FBN3: variants seen among roughly 807,000 people sequenced by gnomAD.
The protein encoded by FBN3 is fibrillin 3.
FBN3 carries 234 observed loss-of-function variants against 330.1 expected under a neutral mutation model. The ratio of observed to expected loss-of-function variants is 0.71; its 90% CI spans 0.64 to 0.79. FBN3 has a LOEUF of 0.79. Among genes scored for constraint, FBN3 ranks in the 30% least tolerant of loss-of-function variants. FBN3 has a pLI of 0.00. For missense variants in FBN3, 3,606 were observed against 3,886.9 expected (o/e 0.93, Z 1.92); for synonymous variants, 1,458 against 1,517.3 (o/e 0.96, Z 0.91).
chr19:8,092,827 T>C (rs956121941), intron 47 of FBN3, among the ~76,000 whole-genome samples: 18 of 152,062 alleles, frequency 1.2e-4, no homozygotes, highest in African/African-American at 3.4e-4. Flanking sequence ...AAATATCGTA[T>C]GTTCTCACTT....
Position 8,149,202 on chromosome 19 carries a change from C to A in FBN3, c.-18+247G>T, listed in dbSNP as rs1429122245. Among the ~76,000 whole-genome samples, 2 of 151,884 alleles carry A rather than the reference C, an allele frequency of 1.3e-5. No individual in the cohort carries two copies. The highest frequency in any genetic ancestry group is 4.8e-5 in the African/African-American group (2 of 41,398). ...CCGGCCGCGACCACGCTTGGCTCCG[C>A]CCTCACCTGTGGGGTCAGGGGCCCC... On this transcript the variant is annotated intron_variant, in intron 1 of 63. Transcript: ENST00000600128. This position sits in a 1 kb window ranked among gnomAD's most constrained non-coding sequence, Gnocchi z 5.5.
intron 41 of FBN3, among the ~76,000 whole-genome samples, chr19:8,099,429 C>T (rs948465360): frequency 4.6e-5 from 7 of 151,308 alleles, no homozygotes; most frequent in Admixed American, 2.0e-4. Context: ...TACAGGCGCC[C>T]GCCACCACGC....
chr19:8,092,919 G>A (rs1421398684), intron 47 of FBN3, among the ~76,000 whole-genome samples: 1 of 151,960 alleles, frequency 6.6e-6, no homozygotes, highest in Non-Finnish European at 1.5e-5. Flanking sequence ...AAGGATGGGA[G>A]GGGGGTGAGG....
At chr19:8,137,033 G>A (rs1476044898) in intron 10 of FBN3, among the ~76,000 whole-genome samples, 1 of 150,662 alleles carries the variant, frequency 6.6e-6, no homozygotes, top group East Asian at 2.0e-4. Flanking sequence ...CTCCAAACTG[G>A]CACCTCGATC....
intron 13 of FBN3, among the ~76,000 whole-genome samples, chr19:8,134,060 A>G (rs982581802): frequency 7.4e-5 from 6 of 81,558 alleles, no homozygotes; most frequent in Non-Finnish European, 1.2e-4. Flanking sequence ...CCCCATCTCT[A>G]CTAAAAATAC....
In FBN3 at chr19:8,075,368, G is replaced by A. The variant is rs749575255; in HGVS notation, c.7497C>T (p.His2499=). Residue 2499 remains histidine, a synonymous_variant, in exon 60 of 64, where the codon CAC becomes CAT. Transcript: ENST00000600128. The stretch of plus-strand genomic sequence containing the variant: ...TGCCCGGGGTGTTGTGGCAGTGCCC[G>A]TGGGCACCACATGGGCCAGGCTGGG... ...CSAQPGPCGA[H]GHCHNTPGSF... is the part of the protein sequence containing the mutation. The A allele has an allele frequency of 1.8e-5, 29 of 1,613,934 alleles. No homozygotes were observed. The highest frequency in any genetic ancestry group is 1.6e-4 in the Middle Eastern group (1 of 6,084).
chr19:8,137,007 CCTGAAGCCTAGATCCCT>C, intron 10 of FBN3, among the ~76,000 whole-genome samples: 1 of 149,600 alleles, frequency 6.7e-6, no homozygotes, highest in East Asian at 2.0e-4. Context: ...ATCCCTCCAA[CCTGAAGCCTAGATCCCT>C]CCAAACTGGC....
At chr19:8,119,974 C>A (rs2082803350) in intron 25 of FBN3, among the ~76,000 whole-genome samples, 1 of 151,388 alleles carries the variant, frequency 6.6e-6, no homozygotes, top group Admixed American at 6.6e-5. Flanking sequence ...GCAGGCACCA[C>A]CATGCCCGGC....
rs367986029 is a variant in FBN3, at chr19:8,086,207, C to A, written c.6873G>T (p.Glu2291Asp). Residue 2291 changes from glutamate (E) to aspartate (D), a missense_variant, in exon 55 of 64, where the codon GAG becomes GAT. Glu to Asp is a conservative substitution (Grantham distance 45). Transcript: ENST00000600128. Reference sequence around the variant, plus strand: ...GTGTCCAGCCACACTCACCGTGGCACTCGGTAAGGGTGGGGCTGGGCTGGA... The same window carrying A: ...GTGTCCAGCCACACTCACCGTGGCAATCGGTAAGGGTGGGGCTGGGCTGGA... ...EGFQPSPTLT[E>D]CHDIRQGPCF... 8.8e-6 allele frequency: 14 copies of A among 1,593,752 alleles called. No homozygotes were observed. In the African/African-American group the frequency reaches 1.6e-4, roughly 18 times the overall value.
rs1363541735 is a variant in FBN3, at chr19:8,071,009, T to C, written c.8088+1039A>G. Reference sequence around the variant, plus strand: ...TGCATTCCAGCCTGGGCAACAAGAGTGAGACTCTGTCTCAAAAAAAAAAAA... The same window carrying C: ...TGCATTCCAGCCTGGGCAACAAGAGCGAGACTCTGTCTCAAAAAAAAAAAA... On this transcript the variant is annotated intron_variant, in intron 63 of 63. Coordinates refer to ENST00000600128, the MANE Select transcript of FBN3 (RefSeq NM_032447.5). Among the ~76,000 whole-genome samples the C allele has an allele frequency of 3.7e-5, 5 of 133,600 alleles. No homozygotes were observed. In the East Asian group the frequency reaches 1.1e-3, roughly 29 times the overall value. 87.6% of individuals were successfully genotyped at this position (133,600 alleles called of 152,430 possible).
rs759987305 is a variant in FBN3 at position 8,123,913 on chromosome 19, T to A, written c.2827A>T (p.Ile943Phe). 2 of 1,613,912 alleles carry A rather than the reference T, an allele frequency of 1.2e-6. No homozygotes were observed. The highest frequency in any genetic ancestry group is 1.7e-6 in the Non-Finnish European group (2 of 1,180,016). Residue 943 changes from isoleucine (I) to phenylalanine (F), a missense_variant, in exon 23 of 64, where the codon ATC becomes TTC. Ile to Phe is a conservative substitution (Grantham distance 21). Coordinates refer to ENST00000600128, the MANE Select transcript of FBN3 (RefSeq NM_032447.5). ...CACTCGACTCCCCACACGGCCCCGA[T>A]GGAGCAGCAGCAGACGTCCATCCGG... ...KYRMDVCCCSIGAVWGVECEA... is the reference protein window; with the variant it reads ...KYRMDVCCCSFGAVWGVECEA...
At chr19:8,123,036 G>T (rs563024861) in intron 24 of FBN3, among the ~76,000 whole-genome samples, 3 of 151,932 alleles carry the variant, frequency 2.0e-5, no homozygotes, top group Admixed American at 6.6e-5. Context: ...ACACAGCACA[G>T]AGGCAGACAC....
rs760243406 is a variant in FBN3, at chr19:8,123,986, G to A, written c.2754C>T (p.Phe918=). ...LCVDVRLEPC[F]LRWDEDECGV... ...CACACTCATCCTCATCCCATCGCAG[G>A]AAACATGGTTCCAATCTCACATCTG... is the stretch of plus-strand genomic sequence containing the variant. The change falls in exon 23 of 64, where the codon TTC becomes TTT. Residue 918 remains phenylalanine (F), a synonymous_variant. Coordinates refer to ENST00000600128, the MANE Select transcript of FBN3 (RefSeq NM_032447.5). The A allele has an allele frequency of 4.3e-6, 7 of 1,613,932 alleles. No individual in the cohort carries two copies. Among genetic ancestry groups the A allele is most frequent in the South Asian group, 3.3e-5 (3 of 91,068 alleles).
intron 24 of FBN3, among the ~76,000 whole-genome samples, 183 bp downstream of exon 24, chr19:8,123,281 G>T (rs1005225945): frequency 2.0e-5 from 3 of 152,050 alleles, no homozygotes; most frequent in African/African-American, 7.2e-5. Context: ...TTGAACCTGG[G>T]AGGCGGAGGT....
chr19:8,081,129 G>T lies in FBN3; in HGVS notation c.7337-10C>A. On this transcript the variant is annotated splice_polypyrimidine_tract_variant and intron_variant, in intron 58 of 63. Coordinates refer to ENST00000600128, the MANE Select transcript of FBN3 (RefSeq NM_032447.5). The stretch of plus-strand genomic sequence containing the variant: ...GTGCATTCGTCCAGGTCTGCAGCAC[G>T]GATGGTCCAGCAGGCTCAGGGCAGG... 6.2e-7 allele frequency: 1 copy of T among 1,608,682 alleles called. No homozygotes were observed. Among genetic ancestry groups the T allele is most frequent in the East Asian group, 2.2e-5 (1 of 44,850 alleles).
intron 38 of FBN3, among the ~76,000 whole-genome samples, 174 bp downstream of exon 38, chr19:8,105,934 T>C (rs1220357293): frequency 6.6e-6 from 1 of 152,092 alleles, no homozygotes; most frequent in African/African-American, 2.4e-5. Flanking sequence ...ACAGCAGCCA[T>C]GAACATCTTA....
At chr19:8,117,111 C>A (rs1189871760) in intron 28 of FBN3, 58 bp downstream of exon 28, 1 of 1,603,518 alleles carries the variant, frequency 6.2e-7, no homozygotes, top group African/African-American at 1.3e-5. Context: ...CAGGACCCAG[C>A]CAACACCTCC....
intron 41 of FBN3, among the ~76,000 whole-genome samples, chr19:8,100,120 C>T (rs764765452): frequency 7.9e-5 from 12 of 151,902 alleles, no homozygotes; most frequent in South Asian, 2.1e-4. Context: ...ACAAATCCTA[C>T]GTGGTTCCAC....
At chr19:8,101,493 T>C (rs4804061) in intron 40 of FBN3, among the ~76,000 whole-genome samples, 19,912 of 152,238 alleles carry the variant, frequency 0.13, 1,460 homozygotes, top group Middle Eastern at 0.17. Flanking sequence ...CCTTGGCTCC[T>C]GCTGTGCCCC....
Sources: allele counts gnomAD v4.1 joint callset (sites outside exome capture counted in the v4.1 genomes callset), GRCh38; gene constraint gnomAD v4.1.1; non-coding constraint Gnocchi (gnomAD v3.1); transcripts MANE v1.5; gene names NCBI Gene and HGNC (gene_info 2026-07-23, HGNC 2026-07-21).